The following EML6 variants were observed in gnomAD, a reference collection of about 807,000 sequenced individuals.
EML6 encodes the protein echinoderm microtubule-associated protein-like 6.
EML6 carries 154 observed loss-of-function variants against 240.1 expected under a neutral mutation model. The observed-to-expected ratio is 0.64, with a 90% CI of 0.56 to 0.73. EML6 has a LOEUF of 0.73. Ranked by LOEUF, EML6 falls within the 30% of genes least tolerant of loss-of-function variation. The pLI, the probability that EML6 is intolerant of heterozygous loss-of-function variation, is 0.00. For missense variants in EML6, 2,964 were observed against 2,474.6 expected, an observed-to-expected ratio of 1.20 and a Z score of -4.20; for synonymous variants, 1,148 against 899.0, an observed-to-expected ratio of 1.28 and a Z score of -4.95.
At chr2:54,844,584 G>T (rs1013682404) in intron 8 of EML6, among the ~76,000 whole-genome samples, 2 of 152,216 alleles carry the variant, frequency 1.3e-5, no homozygotes, top group African/African-American at 4.8e-5. Context: ...GTCTTCTGCA[G>T]GGGGCTGCAT....
chr2:54,827,910 GA>G (rs1668674072), intron 6 of EML6, among the ~76,000 whole-genome samples, 159 bp downstream of exon 6: 2 of 152,084 alleles, frequency 1.3e-5, no homozygotes, highest in Admixed American at 1.3e-4. Context: ...TCACCTAAAG[GA>G]AAATATATTT....
At chr2:54,792,928 T>C (rs1476927484) in intron 2 of EML6, among the ~76,000 whole-genome samples, 1 of 152,174 alleles carries the variant, frequency 6.6e-6, no homozygotes, top group Non-Finnish European at 1.5e-5. Flanking sequence ...AGAAATGATT[T>C]TTAAAGTTAT....
intron 39 of EML6, 38 bp downstream of exon 39, chr2:54,967,141 C>T: frequency 7.4e-7 from 1 of 1,356,432 alleles, no homozygotes; most frequent in Non-Finnish European, 1.0e-6. Context: ...GAAAAGGTCA[C>T]AAGGGAGTCT....
intron 2 of EML6, among the ~76,000 whole-genome samples, chr2:54,784,399 C>A (rs1387834782): frequency 1.3e-5 from 2 of 151,930 alleles, no homozygotes; most frequent in Admixed American, 1.3e-4. Flanking sequence ...ACTAATAAAC[C>A]TTTTGCAACT....
Position 54,725,350 on chromosome 2 carries a change from C to G in EML6, c.197+92C>G, listed in dbSNP as rs189095096. 142 of 959,854 alleles carry G rather than the reference C, an allele frequency of 1.5e-4. No individual in the cohort carries two copies. The highest frequency in any genetic ancestry group is 1.5e-3 in the African/African-American group (84 of 57,688). 59.5% of individuals were successfully genotyped at this position (959,854 alleles called of 1,614,324 possible). ...GACCTGGGGTCGGATCCGGGAGCCC[C>G]GTGGAATAGAGGATTCTCTCTGGAG... On this transcript the variant is annotated intron_variant, in intron 2 of 41. Coordinates refer to ENST00000356458, the MANE Select transcript of EML6 (RefSeq NM_001039753.4). The surrounding 1 kb of genome is among the most constrained non-coding windows in gnomAD (Gnocchi z 4.3).
intron 2 of EML6, among the ~76,000 whole-genome samples, chr2:54,803,579 G>A (rs2103986023): frequency 6.6e-6 from 1 of 152,222 alleles, no homozygotes; most frequent in Non-Finnish European, 1.5e-5. Flanking sequence ...TCAATGCTTT[G>A]GAGAACGCCT....
chr2:54,964,055 G>A lies in EML6; in HGVS notation c.5227G>A (p.Val1743Met), dbSNP rs1162812812. The A allele has an allele frequency of 6.4e-7, 1 of 1,551,654 alleles. No homozygotes were observed. The highest frequency in any genetic ancestry group is 2.0e-5 in the Admixed American group (1 of 50,994). ...CAAYSPDGEM[V>M]AIGMKNGEFV... The stretch of plus-strand genomic sequence containing the variant: ...AGCCTACAGCCCTGATGGGGAGATG[G>A]TGGCCATTGGCATGAAGAATGGAGA... Residue 1743 changes from valine to methionine, a missense_variant, in exon 37 of 42, where the codon GTG becomes ATG. Coordinates refer to ENST00000356458, the MANE Select transcript of EML6 (RefSeq NM_001039753.4).
Position 54,950,819 on chromosome 2 carries a change from G to A in EML6, c.4213+40G>A, listed in dbSNP as rs571451574. 2.6e-6 allele frequency: 4 copies of A among 1,535,850 alleles called. No homozygotes were observed. In the Admixed American group the frequency reaches 8.1e-5, roughly 31 times the overall value. On this transcript the variant is annotated intron_variant, in intron 30 of 41. Transcript: ENST00000356458. Reference sequence around the variant, plus strand: ...AAAAATACAGGTTTTTCTTTTAGCTGTTTTTTACATGCTTTCCCCACTCTT... The same window carrying A: ...AAAAATACAGGTTTTTCTTTTAGCTATTTTTTACATGCTTTCCCCACTCTT...
chr2:54,759,305 T>G (rs968160040), intron 2 of EML6, among the ~76,000 whole-genome samples: 4 of 151,362 alleles, frequency 2.6e-5, no homozygotes, highest in Non-Finnish European at 5.9e-5. Flanking sequence ...CTTCAAAACT[T>G]GAGTTTAGGA....
At chr2:54,889,493 C>G (rs1484866488) in intron 17 of EML6, among the ~76,000 whole-genome samples, 1 of 114,864 alleles carries the variant, frequency 8.7e-6, no homozygotes. Context: ...CTTTTTTTCT[C>G]TCTTCACTTT....
rs1027958586 is a variant in EML6, at chr2:54,927,541, C to T, written c.3676-772C>T. ...ATGGCTCCCGCTGCAGCTGTTTTTG[C>T]CAGGCTGTGGCTCATGAGCTGAATA... On this transcript the variant is annotated intron_variant, in intron 26 of 41. Coordinates refer to ENST00000356458, the MANE Select transcript of EML6 (RefSeq NM_001039753.4). Among the ~76,000 whole-genome samples the T allele has an allele frequency of 1.8e-4, 27 of 152,146 alleles. 1 individual carries two copies. The highest frequency in any genetic ancestry group is 5.3e-4 in the African/African-American group (22 of 41,432).
chr2:54,785,375 C>A lies in EML6; in HGVS notation c.198-27857C>A, dbSNP rs574318419. 1.9e-3 allele frequency among the ~76,000 whole-genome samples: 295 copies of A among 151,938 alleles called. 2 individuals carry two copies. Among genetic ancestry groups the A allele is most frequent in the African/African-American group, 6.7e-3 (279 of 41,440 alleles). On this transcript the variant is annotated intron_variant, in intron 2 of 41. Transcript: ENST00000356458. ...ATTTTTAGTAGAGACGGGGTTTCAC[C>A]ATGTTGCCAGGCTGGTCTTGAACTC...
intron 2 of EML6, among the ~76,000 whole-genome samples, chr2:54,737,090 G>T (rs1257742123): frequency 1.3e-5 from 2 of 152,018 alleles, no homozygotes; most frequent in East Asian, 3.8e-4. Context: ...TTTGAATGTG[G>T]GACTATATAT....
chr2:54,850,754 A>G (rs1256082734), intron 10 of EML6, among the ~76,000 whole-genome samples: 2 of 152,218 alleles, frequency 1.3e-5, no homozygotes, highest in Non-Finnish European at 2.9e-5. Flanking sequence ...GAGAACATGC[A>G]CTAAGGCATG....
chr2:54,885,102 A>G (rs1187790633), intron 17 of EML6, among the ~76,000 whole-genome samples: 1 of 152,144 alleles, frequency 6.6e-6, no homozygotes, highest in African/African-American at 2.4e-5. Context: ...GGTTGCAGTG[A>G]GCCCAGATTG....
chr2:54,919,269 G>C (rs1436359394), intron 26 of EML6, among the ~76,000 whole-genome samples: 2 of 134,688 alleles, frequency 1.5e-5, no homozygotes, highest in Non-Finnish European at 3.1e-5. Flanking sequence ...CTTTTCAAAA[G>C]TCTTATTTTT....
intron 2 of EML6, among the ~76,000 whole-genome samples, chr2:54,765,529 C>T (rs1248073194): frequency 6.6e-6 from 1 of 152,124 alleles, no homozygotes; most frequent in Admixed American, 6.5e-5. Flanking sequence ...GGCACGATCT[C>T]GGCTCACTGC....
At chr2:54,803,851 C>T (rs1436709771) in intron 2 of EML6, among the ~76,000 whole-genome samples, 1 of 152,162 alleles carries the variant, frequency 6.6e-6, no homozygotes, top group Non-Finnish European at 1.5e-5. Flanking sequence ...CAGCTGGTCA[C>T]CTCTCCCTGT....
intron 2 of EML6, among the ~76,000 whole-genome samples, chr2:54,780,552 A>T (rs752126160): frequency 3.3e-5 from 5 of 152,198 alleles, no homozygotes; most frequent in Non-Finnish European, 5.9e-5. Flanking sequence ...CAATTAAGGG[A>T]ACTGTGTCTA....
Sources: gnomAD v4.1 joint callset for allele counts (sites outside exome capture counted in the v4.1 genomes callset) on GRCh38, gnomAD v4.1.1 for gene constraint, Gnocchi (gnomAD v3.1) non-coding constraint, MANE v1.5 for transcripts, NCBI Gene and HGNC (gene_info 2026-07-23, HGNC 2026-07-21) for gene names.